The following MAST3 variants were observed in gnomAD, a reference collection of about 807,000 sequenced individuals.
MAST3 encodes microtubule associated serine/threonine kinase 3, also known as microtubule-associated serine/threonine-protein kinase 3.
Under a neutral mutation model 127.0 loss-of-function variants are expected in MAST3, and 43 were observed. The ratio of observed to expected loss-of-function variants is 0.34; its 90% CI spans 0.27 to 0.44. The LOEUF (loss-of-function observed/expected upper bound fraction) is 0.44. Among genes scored for constraint, MAST3 ranks in the 20% least tolerant of loss-of-function variants. The pLI, the probability that MAST3 is intolerant of heterozygous loss-of-function variation, is 1.00. For missense variants in MAST3, 1,390 were observed against 1,919.1 expected (o/e 0.72, Z 5.15); for synonymous variants, 785 against 809.2 (o/e 0.97, Z 0.51).
At chr19:18,120,447 G>A (rs570600749) in intron 3 of MAST3, among the ~76,000 whole-genome samples, 72 of 152,232 alleles carry the variant, frequency 4.7e-4, no homozygotes, top group Non-Finnish European at 8.7e-4. Flanking sequence ...CTGGTCCAGG[G>A]GCTCCTGGCC....
At chr19:18,147,679 G>A (rs899066427) in intron 27 of MAST3, 55 bp downstream of exon 27, 9 of 1,310,404 alleles carry the variant, frequency 6.9e-6, no homozygotes, top group Non-Finnish European at 8.3e-6. Flanking sequence ...AAGGGCTGGT[G>A]GGCCCCAGGA....
At chr19:18,118,301 C>G (rs1487270818) in intron 3 of MAST3, 1 of 962,892 alleles carries the variant, frequency 1.0e-6, no homozygotes, top group East Asian at 1.1e-4. Flanking sequence ...GCCGAGCAAA[C>G]AGGAGTTGCC....
chr19:18,106,174 A>G (rs570794760), intron 1 of MAST3, among the ~76,000 whole-genome samples: 119 of 152,184 alleles, frequency 7.8e-4, no homozygotes, highest in African/African-American at 2.8e-3. Context: ...TGCAACCTCC[A>G]ACTCCTGGGG....
rs1157104769 is a variant in MAST3 at position 18,135,720 on chromosome 19, A to G, written c.1871-20A>G. 1 of 1,576,970 alleles carries G rather than the reference A, an allele frequency of 6.3e-7. No homozygotes were observed. Among genetic ancestry groups the G allele is most frequent in the Non-Finnish European group, 8.7e-7 (1 of 1,153,370 alleles). On this transcript the variant is annotated intron_variant, in intron 17 of 27. Coordinates refer to ENST00000687212, the MANE Select transcript of MAST3 (RefSeq NM_001393504.1). Reference sequence around the variant, plus strand: ...GCCTTCTCCCTCCCTCCCTCATTTTACCTCCCTCCCTCATTTTAGATGAGA... The same window carrying G: ...GCCTTCTCCCTCCCTCCCTCATTTTGCCTCCCTCCCTCATTTTAGATGAGA...
rs964721562 is a variant in MAST3 at position 18,110,392 on chromosome 19, T to C, written c.72-260T>C. On this transcript the variant is annotated intron_variant, in intron 2 of 27. Transcript: ENST00000687212. The surrounding 1 kb of genome is among the most constrained non-coding windows in gnomAD (Gnocchi z 4.3). ...GTGAGTGTTGGGCAGGGCGGGGGTA[T>C]GCGGGGTGCAGGGAGGACAGGATGA... is the stretch of plus-strand genomic sequence containing the variant. 6 of 985,356 alleles carry C rather than the reference T, an allele frequency of 6.1e-6. No homozygotes were observed. In the African/African-American group the frequency reaches 1.0e-4, roughly 17 times the overall value. The allele number at this position is 985,356 out of a possible 1,614,324, so 61.0% of individuals were successfully genotyped here.
chr19:18,111,116 A>G (rs950025466), intron 3 of MAST3, among the ~76,000 whole-genome samples: 2 of 152,086 alleles, frequency 1.3e-5, no homozygotes, highest in Admixed American at 1.3e-4. Flanking sequence ...CGCACACCCA[A>G]GGCTGAGAGG....
intron 15 of MAST3, among the ~76,000 whole-genome samples, chr19:18,132,465 G>A (rs2041425911): frequency 6.6e-6 from 1 of 152,188 alleles, no homozygotes; most frequent in Non-Finnish European, 1.5e-5. Context: ...TATGCAATTT[G>A]CGAGACCTTA....
rs2042803234 is a variant in MAST3, at chr19:18,144,225, T to G, written c.2584+218T>G. Among the ~76,000 whole-genome samples, 2 of 152,014 alleles carry G rather than the reference T, an allele frequency of 1.3e-5. No homozygotes were observed. ...ATAGAGTCAGGATGGGACCCCTAGC[T>G]CCCAAGATGGGGGAACTAAGGGTCT... On this transcript the variant is annotated intron_variant, in intron 22 of 27. Coordinates refer to ENST00000687212, the MANE Select transcript of MAST3 (RefSeq NM_001393504.1). This position sits in a 1 kb window ranked among gnomAD's most constrained non-coding sequence, Gnocchi z 4.0.
rs1200922726 is a variant in MAST3, at chr19:18,144,707, C to T, written c.2812+14C>T. ...TCATCACGGCAGGTAATGCCCAAGGCCCCTCTCACCTTTGTCTGTCTGCAC... is the reference window on the plus strand; with the variant it reads ...TCATCACGGCAGGTAATGCCCAAGGTCCCTCTCACCTTTGTCTGTCTGCAC... On this transcript the variant is annotated intron_variant, in intron 23 of 27. Coordinates refer to ENST00000687212, the MANE Select transcript of MAST3 (RefSeq NM_001393504.1). The surrounding 1 kb of genome is among the most constrained non-coding windows in gnomAD (Gnocchi z 4.0). The T allele has an allele frequency of 2.5e-6, 4 of 1,603,346 alleles. No homozygotes were observed. The highest frequency in any genetic ancestry group is 2.2e-5 in the East Asian group (1 of 44,882).
Position 18,145,045 on chromosome 19 carries a change from G to A in MAST3, c.2855G>A (p.Arg952His), listed in dbSNP as rs534960068. ...CCCCTCATGAGCCCCCTTTCCCCGC[G>A]CTCTCTGTCCTCGAACCCGTCGTCC... is the stretch of plus-strand genomic sequence containing the variant. ...GGPLMSPLSP[R>H]SLSSNPSSRD... is the part of the protein sequence containing the mutation. Residue 952 changes from arginine to histidine, a missense_variant, in exon 24 of 28, where the codon CGC (arginine) becomes CAC (histidine). This residue lies in a region of MAST3 where 816 missense variants were observed against 934.1 expected (regional missense o/e 0.87). Transcript: ENST00000687212. This position sits in a 1 kb window ranked among gnomAD's most constrained non-coding sequence, Gnocchi z 5.9. 1.3e-5 allele frequency: 21 copies of A among 1,608,500 alleles called. No homozygotes were observed. Among genetic ancestry groups the A allele is most frequent in the South Asian group, 2.2e-5 (2 of 90,942 alleles).
At chr19:18,142,045 C>A in intron 21 of MAST3, 30 bp downstream of exon 21, 2 of 1,411,580 alleles carry the variant, frequency 1.4e-6, no homozygotes, top group South Asian at 1.7e-5. Flanking sequence ...GTAGGCAGAT[C>A]CAGCTTCCAA....
intron 6 of MAST3, among the ~76,000 whole-genome samples, chr19:18,123,000 G>C (rs1177928171): frequency 2.0e-5 from 3 of 152,248 alleles, no homozygotes; most frequent in Non-Finnish European, 4.4e-5. Flanking sequence ...TGACCAGAGG[G>C]GGACTTGGGG....
intron 11 of MAST3, among the ~76,000 whole-genome samples, chr19:18,126,528 G>A (rs1455012090): frequency 6.6e-6 from 1 of 152,154 alleles, no homozygotes; most frequent in Non-Finnish European, 1.5e-5. Flanking sequence ...TCCCAGCACT[G>A]TGGGAGGCCA....
Position 18,107,606 on chromosome 19 carries a change from G to A in MAST3, c.59G>A (p.Arg20His), listed in dbSNP as rs368179436. The A allele has an allele frequency of 4.3e-6, 7 of 1,612,740 alleles. No individual in the cohort carries two copies. Among genetic ancestry groups the A allele is most frequent in the Admixed American group, 1.7e-5 (1 of 59,804 alleles). Reference sequence around the variant, plus strand: ...TTGCAGAAGGAGCTGAGCCTGCCACGCCGAGGACGTGGGTGAGTTCACCTG... The same window carrying A: ...TTGCAGAAGGAGCTGAGCCTGCCACACCGAGGACGTGGGTGAGTTCACCTG... ...RGLQKELSLP[R>H]RGRGLSPSSQ... The change falls in exon 2 of 28, where the codon CGC (arginine) becomes CAC (histidine). Residue 20 changes from arginine (R) to histidine (H), a missense_variant. Physicochemically the swap from Arg to His is conservative, Grantham distance 29 (BLOSUM62 0). Around this residue, in one of 5 missense-constraint regions of MAST3, gnomAD observed 61 missense variants for 78.2 expected, o/e 0.78. Transcript: ENST00000687212.
At chr19:18,118,754 A>G (rs561619072) in intron 3 of MAST3, among the ~76,000 whole-genome samples, 3 of 152,182 alleles carry the variant, frequency 2.0e-5, no homozygotes, top group Non-Finnish European at 4.4e-5. Flanking sequence ...AGCAGAGAGG[A>G]TAAGTGAGGG....
rs749919510 is a variant in MAST3 at position 18,141,919 on chromosome 19, C to G, written c.2243C>G (p.Thr748Ser). 1.3e-6 allele frequency: 2 copies of G among 1,543,416 alleles called. No individual in the cohort carries two copies. The highest frequency in any genetic ancestry group is 2.8e-5 in the African/African-American group (2 of 72,488). The change falls in exon 21 of 28, where the codon ACT becomes AGT. Residue 748 changes from threonine (T) to serine (S), a missense_variant. Around this residue, in one of 5 missense-constraint regions of MAST3, gnomAD observed 816 missense variants for 934.1 expected, o/e 0.87. Transcript: ENST00000687212. ...TCTGAGTTCCTGGCCGTCCAGCCCA[C>G]TCCTACCTTCGCTGAAAGGAGCTTC... Reference protein sequence around the residue: ...SSSEFLAVQPTPTFAERSFSE... With the variant: ...SSSEFLAVQPSPTFAERSFSE...
chr19:18,110,490 G>A lies in MAST3; in HGVS notation c.72-162G>A, dbSNP rs1349904889. 5.8e-5 allele frequency: 54 copies of A among 930,110 alleles called. No individual in the cohort carries two copies. The highest frequency in any genetic ancestry group is 6.7e-5 in the Non-Finnish European group (52 of 779,158). The allele number at this position is 930,110 out of a possible 1,614,324, so 57.6% of individuals were successfully genotyped here. On this transcript the variant is annotated intron_variant, in intron 2 of 27. Coordinates refer to ENST00000687212, the MANE Select transcript of MAST3 (RefSeq NM_001393504.1). This position sits in a 1 kb window ranked among gnomAD's most constrained non-coding sequence, Gnocchi z 4.3. ...CGCCGCCTCCGGGGAGCCCTCCCGGGCCATCGGTCTGGCCCCGCCCTCACG... is the reference window on the plus strand; with the variant it reads ...CGCCGCCTCCGGGGAGCCCTCCCGGACCATCGGTCTGGCCCCGCCCTCACG...
intron 3 of MAST3, chr19:18,118,348 G>T: frequency 1.3e-6 from 1 of 754,098 alleles, no homozygotes; most frequent in Non-Finnish European, 1.6e-6. Context: ...GGACCACGGC[G>T]AGCGTCTGTC....
intron 3 of MAST3, among the ~76,000 whole-genome samples, chr19:18,115,700 C>T (rs926563543): frequency 2.6e-5 from 4 of 152,190 alleles, no homozygotes; most frequent in African/African-American, 9.7e-5. Context: ...CCGTCCCAGA[C>T]CCTTACTGGC....
Sources: gnomAD v4.1 joint callset for allele counts (sites outside exome capture counted in the v4.1 genomes callset) on GRCh38, gnomAD v4.1.1 for gene constraint, gnomAD v4.1.1 regional missense constraint, Gnocchi (gnomAD v3.1) non-coding constraint, MANE v1.5 for transcripts, NCBI Gene and HGNC (gene_info 2026-07-23, HGNC 2026-07-21) for gene names.